ZZEF1: variants seen among roughly 807,000 people sequenced by gnomAD.
ZZEF1 encodes zinc finger ZZ-type and EF-hand domain-containing protein 1.
A neutral mutation model predicts 342.8 loss-of-function variants in ZZEF1; 157 were observed. That is an observed-to-expected ratio of 0.46 (90% CI 0.40 to 0.52). The LOEUF (loss-of-function observed/expected upper bound fraction) is 0.52, where lower values mean the gene tolerates loss of function less well. ZZEF1 is among the 20% of genes least tolerant of loss of function. The probability of loss-of-function intolerance (pLI) is 0.00; values close to 1 mark genes in which losing one functional copy is unlikely to be tolerated. For missense variants in ZZEF1, 3,480 were observed against 3,725.6 expected, an observed-to-expected ratio of 0.93 and a Z score of 1.72; for synonymous variants, 1,505 against 1,429.1, an observed-to-expected ratio of 1.05 and a Z score of -1.20.
Position 4,070,816 on chromosome 17 carries a change from TGA to T in ZZEF1, c.3941_3942del (p.Phe1314TyrfsTer5). The T allele has an allele frequency of 1.9e-6, 3 of 1,614,190 alleles. No individual in the cohort carries two copies. Among genetic ancestry groups the T allele is most frequent in the Non-Finnish European group, 2.5e-6 (3 of 1,180,046 alleles). On this transcript the variant is annotated frameshift_variant, in exon 26 of 55. Transcript: ENST00000381638. LOFTEE classifies it high-confidence loss of function. ...CGPYSELFKG[F>X]IQACRKQAPK... The stretch of plus-strand genomic sequence containing the variant: ...GGGGCCTGTTTTCTACATGCCTGTA[TGA>T]ATCCTTTGAAAAGTTCTGAATATGG...
At position 4,017,462 on chromosome 17, in the gene ZZEF1, C is replaced by T. The variant is rs2056136944; in HGVS notation, c.7910G>A (p.Ser2637Asn). ...LAEWPSHVPV[S>N]EDILELSGPA... The stretch of plus-strand genomic sequence containing the variant: ...GCCACTGAGCTCCAGGATGTCCTCG[C>T]TCACTGGCACGTGGCTAGGCCACTC... Residue 2637 changes from serine (S) to asparagine (N), a missense_variant, in exon 48 of 55, where the codon AGC becomes AAC. By Grantham distance (46) the Ser-to-Asn change is conservative. This residue lies in a region of ZZEF1 where 1,269 missense variants were observed against 1,342.4 expected (regional missense o/e 0.95). Transcript: ENST00000381638. The surrounding 1 kb of genome is among the most constrained non-coding windows in gnomAD (Gnocchi z 5.1). The T allele has an allele frequency of 3.7e-6, 6 of 1,614,134 alleles. No individual in the cohort carries two copies. The highest frequency in any genetic ancestry group is 3.3e-5 in the Admixed American group (2 of 60,014).
In ZZEF1 at chr17:4,112,652, A is replaced by G; in HGVS notation, c.1023T>C (p.Thr341=). 1 of 1,614,192 alleles carries G rather than the reference A, an allele frequency of 6.2e-7. No individual in the cohort carries two copies. The change falls in exon 5 of 55, where the codon ACT becomes ACC. Residue 341 remains threonine, a synonymous_variant. Transcript: ENST00000381638. ...CATTTTCCAGCAGCGTCACATAGCC[A>G]GTGACATTGCTGGGGATGTGCACAT... ...VRDVHIPSNV[T]GYVTLLENAN...
Position 4,085,788 on chromosome 17 carries a change from T to G in ZZEF1, c.2528A>C (p.Asp843Ala). 1 of 1,614,108 alleles carries G rather than the reference T, an allele frequency of 6.2e-7. No individual in the cohort carries two copies. Among genetic ancestry groups the G allele is most frequent in the Non-Finnish European group, 8.5e-7 (1 of 1,179,996 alleles). Residue 843 changes from aspartate (D) to alanine (A), a missense_variant, in exon 16 of 55, where the codon GAT becomes GCT. Asp to Ala is a moderately radical substitution (Grantham distance 126). Coordinates refer to ENST00000381638, the MANE Select transcript of ZZEF1 (RefSeq NM_015113.4). Reference sequence around the variant, plus strand: ...TATCTCCATGGGCACAGAGTCTCCATCCACCTTGTCCACCACTGATAAAAT... The same window carrying G: ...TATCTCCATGGGCACAGAGTCTCCAGCCACCTTGTCCACCACTGATAAAAT... ...THLCDVVDKV[D>A]GDSVPMEILK...
chr17:4,009,873 G>A, intron 52 of ZZEF1, 116 bp from the exon 53 acceptor site: 1 of 1,268,900 alleles, frequency 7.9e-7, no homozygotes, highest in Non-Finnish European at 1.1e-6. Context: ...TGGTACAAAT[G>A]ATTATAAAGT....
intron 35 of ZZEF1, 84 bp downstream of exon 35, chr17:4,051,885 CTT>C: frequency 7.0e-7 from 1 of 1,429,066 alleles, no homozygotes; most frequent in East Asian, 2.5e-5. Context: ...ATAAAAAAAA[CTT>C]TTTTAAAAAA....
At chr17:4,033,438 C>T (rs1396176998) in intron 40 of ZZEF1, 2 of 163,540 alleles carry the variant, frequency 1.2e-5, no homozygotes, top group Non-Finnish European at 2.7e-5. Flanking sequence ...ACCTCCGCCT[C>T]CTGAGTTCAA....
chr17:4,096,936 C>T (rs1436321171), intron 9 of ZZEF1, among the ~76,000 whole-genome samples: 3 of 152,130 alleles, frequency 2.0e-5, no homozygotes, highest in Admixed American at 2.0e-4. Flanking sequence ...CTCCACCTCA[C>T]AGGCAGCCCT....
At chr17:4,113,454 T>C (rs1297500930) in intron 4 of ZZEF1, among the ~76,000 whole-genome samples, 2 of 152,060 alleles carry the variant, frequency 1.3e-5, no homozygotes, top group South Asian at 2.1e-4. Context: ...CTTTGAGAAG[T>C]TGGGAGCTTG....
chr17:4,075,368 G>C lies in ZZEF1; in HGVS notation c.3296C>G (p.Ser1099Cys), dbSNP rs1334148239. ...PVVLHTWTKE[S>C]AHNYENNCHE... The stretch of plus-strand genomic sequence containing the variant: ...GCAATTATTTTCATAGTTGTGGGCA[G>C]ATTCCTTCGTCCACGTATGTAACAC... The change falls in exon 22 of 55, where the codon TCT (serine) becomes TGT (cysteine). Residue 1099 changes from serine (S) to cysteine (C), a missense_variant. This residue lies in a region of ZZEF1 where 1,528 missense variants were observed against 1,624.1 expected (regional missense o/e 0.94). Transcript: ENST00000381638. 1 of 1,614,226 alleles carries C rather than the reference G, an allele frequency of 6.2e-7. No individual in the cohort carries two copies. The highest frequency in any genetic ancestry group is 1.7e-5 in the Admixed American group (1 of 60,030).
rs2057027750 is a variant in ZZEF1, at chr17:4,050,806, A to C, written c.5838T>G (p.Cys1946Trp). Residue 1946 changes from cysteine (C) to tryptophan (W), a missense_variant, in exon 36 of 55, where the codon TGT becomes TGG. Cys to Trp is a radical substitution (Grantham distance 215). This residue lies in a region of ZZEF1 where 1,269 missense variants were observed against 1,342.4 expected (regional missense o/e 0.95). Coordinates refer to ENST00000381638, the MANE Select transcript of ZZEF1 (RefSeq NM_015113.4). ...CTTTTCCCTGATGAGCCTTCATCAG[A>C]CAGTCCCCGACGAGCTGCATGCACT... ...RSQCMQLVGD[C>W]LMKAHQGKGL... The C allele has an allele frequency of 6.2e-7, 1 of 1,614,074 alleles. No individual in the cohort carries two copies. The highest frequency in any genetic ancestry group is 1.3e-5 in the African/African-American group (1 of 75,052).
chr17:4,093,267 A>G (rs2145396798), intron 11 of ZZEF1, among the ~76,000 whole-genome samples: 1 of 152,312 alleles, frequency 6.6e-6, no homozygotes, highest in Middle Eastern at 3.4e-3. Context: ...TATTACTTTA[A>G]AAGAAAAGCA....
At position 4,009,844 on chromosome 17, in the gene ZZEF1, A is replaced by C. The variant is rs555279722; in HGVS notation, c.8580-87T>G. Reference sequence around the variant, plus strand: ...ACAGCTGGCAGGAACCACAGCTCAGACCCTCCCTCTCCCACAGCTGGTACA... The same window carrying C: ...ACAGCTGGCAGGAACCACAGCTCAGCCCCTCCCTCTCCCACAGCTGGTACA... On this transcript the variant is annotated intron_variant, in intron 52 of 54. Transcript: ENST00000381638. 108 of 1,457,008 alleles carry C rather than the reference A, an allele frequency of 7.4e-5. No homozygotes were observed. In the East Asian group the frequency reaches 2.5e-3, roughly 34 times the overall value. 90.3% of individuals were successfully genotyped at this position (1,457,008 alleles called of 1,614,324 possible).
In ZZEF1 at chr17:4,008,482, G is replaced by T; in HGVS notation, c.8805+401C>A. The T allele has an allele frequency of 1.0e-6, 1 of 990,516 alleles. No individual in the cohort carries two copies. Among genetic ancestry groups the T allele is most frequent in the Non-Finnish European group, 1.2e-6 (1 of 829,692 alleles). The allele number at this position is 990,516 out of a possible 1,614,324, so 61.4% of individuals were successfully genotyped here. Reference sequence around the variant, plus strand: ...ATAGACATATCCAAAAGCTTTCTGAGCTCCTCAGTCAGTGAAAAGTGTGAA... The same window carrying T: ...ATAGACATATCCAAAAGCTTTCTGATCTCCTCAGTCAGTGAAAAGTGTGAA... On this transcript the variant is annotated intron_variant, in intron 54 of 54. Coordinates refer to ENST00000381638, the MANE Select transcript of ZZEF1 (RefSeq NM_015113.4). This position sits in a 1 kb window ranked among gnomAD's most constrained non-coding sequence, Gnocchi z 4.2.
chr17:4,115,459 T>A (rs1274407931), intron 3 of ZZEF1, among the ~76,000 whole-genome samples: 3 of 151,956 alleles, frequency 2.0e-5, no homozygotes, highest in African/African-American at 4.8e-5. Context: ...GGTCAGGAGG[T>A]CGAGACCAGC....
chr17:4,086,607 G>A lies in ZZEF1; in HGVS notation c.2391C>T (p.Leu797=). ...VSAQTLLLQL[L]QSCFSVLQGD... is the part of the protein sequence containing the mutation. ...CCTGCAGCACAGAGAAGCAGCTCTG[G>A]AGTAGCTGCAGAAGCAGGGTTTGGG... The change falls in exon 15 of 55, where the codon CTC becomes CTT. Residue 797 remains leucine, a synonymous_variant. Coordinates refer to ENST00000381638, the MANE Select transcript of ZZEF1 (RefSeq NM_015113.4). 2 of 1,614,174 alleles carry A rather than the reference G, an allele frequency of 1.2e-6. No individual in the cohort carries two copies. Among genetic ancestry groups the A allele is most frequent in the Non-Finnish European group, 1.7e-6 (2 of 1,180,020 alleles).
At chr17:4,075,463 T>G in intron 21 of ZZEF1, 34 bp from the exon 22 acceptor site, 1 of 1,606,684 alleles carries the variant, frequency 6.2e-7, no homozygotes, top group Non-Finnish European at 8.5e-7. Flanking sequence ...GAAAGAAAGG[T>G]TCTATCACTA....
intron 18 of ZZEF1, among the ~76,000 whole-genome samples, chr17:4,079,148 A>C (rs1340575603): frequency 1.3e-5 from 2 of 152,200 alleles, no homozygotes; most frequent in African/African-American, 4.8e-5. Flanking sequence ...AATCTGGCCT[A>C]TCTTATCTAG....
intron 4 of ZZEF1, 25 bp downstream of exon 4, chr17:4,114,274 C>A (rs1207653874): frequency 1.4e-6 from 2 of 1,479,680 alleles, no homozygotes; most frequent in Admixed American, 2.5e-5. Flanking sequence ...TTTTAAAAAA[C>A]AAAAAAGTAT....
Position 4,014,816 on chromosome 17 carries a change from T to C in ZZEF1, c.8146-301A>G, listed in dbSNP as rs1390433643. Among the ~76,000 whole-genome samples the C allele has an allele frequency of 6.6e-6, 1 of 152,092 alleles. No homozygotes were observed. The highest frequency in any genetic ancestry group is 1.5e-5 in the Non-Finnish European group (1 of 67,994). ...GAGAAGGCGGGAGTGGGAGACAAGG[T>C]GGACCTGAGTGCATGGGGTGCATTT... On this transcript the variant is annotated intron_variant, in intron 49 of 54. Transcript: ENST00000381638. The surrounding 1 kb of genome is among the most constrained non-coding windows in gnomAD (Gnocchi z 4.4).
Sources: gnomAD v4.1 joint callset for allele counts (sites outside exome capture counted in the v4.1 genomes callset) on GRCh38, gnomAD v4.1.1 for gene constraint, gnomAD v4.1.1 regional missense constraint, Gnocchi (gnomAD v3.1) non-coding constraint, MANE v1.5 for transcripts, NCBI Gene and HGNC (gene_info 2026-07-23, HGNC 2026-07-21) for gene names.